The following TYK2 variants were observed in gnomAD, a reference collection of about 807,000 sequenced individuals.
The protein encoded by TYK2 is tyrosine kinase 2.
In TYK2, 65 loss-of-function variants were observed where a neutral mutation model predicts 130.9. That is an observed-to-expected ratio of 0.50 (90% CI 0.41 to 0.61). The LOEUF (loss-of-function observed/expected upper bound fraction) is 0.61. TYK2 is among the 20% of genes least tolerant of loss of function. The pLI is 0.00. For missense variants in TYK2, 1,378 were observed against 1,610.7 expected (o/e 0.86, Z 2.47); for synonymous variants, 647 against 658.9 (o/e 0.98, Z 0.28).
At chr19:10,377,400 G>GTGGATGGATGGA (rs766675211) in intron 3 of TYK2, among the ~76,000 whole-genome samples, 44 of 105,430 alleles carry the variant, frequency 4.2e-4, no homozygotes, top group African/African-American at 1.3e-3. Flanking sequence ...GGGTGGGTGG[G>GTGGATGGATGGA]TGGATGGATG....
chr19:10,363,432 G>C (rs556681460), intron 9 of TYK2, among the ~76,000 whole-genome samples: 1 of 151,554 alleles, frequency 6.6e-6, no homozygotes, highest in Non-Finnish European at 1.5e-5. Flanking sequence ...CTCCCACCTC[G>C]GCCTCCTAAA....
At chr19:10,363,953 G>A (rs1393219836) in intron 9 of TYK2, among the ~76,000 whole-genome samples, 3 of 152,180 alleles carry the variant, frequency 2.0e-5, no homozygotes, top group Non-Finnish European at 4.4e-5. Context: ...CAAAGAGACA[G>A]TCACAAATCA....
Position 10,357,793 on chromosome 19 carries a change from C to T in TYK2, c.2437G>A (p.Ala813Thr), listed in dbSNP as rs752386163. 1.9e-6 allele frequency: 3 copies of T among 1,612,894 alleles called. No homozygotes were observed. In the South Asian group the frequency reaches 3.3e-5, roughly 18 times the overall value. Residue 813 changes from alanine (A) to threonine (T), a missense_variant, in exon 17 of 25, where the codon GCC becomes ACC. Ala to Thr is a moderately conservative substitution (Grantham distance 58). Transcript: ENST00000525621. ...GAGGGACTGCGGCTCTGCAGAGGGG[C>T]CTCTCCGTCAAAGCAGATCTCCAGG... is the stretch of plus-strand genomic sequence containing the variant. ...TLLEICFDGE[A>T]PLQSRSPSEK...
rs540057091 is a variant in TYK2 at position 10,368,481 on chromosome 19, C to T, written c.194-63G>A. 116 of 1,610,826 alleles carry T rather than the reference C, an allele frequency of 7.2e-5. No homozygotes were observed. The East Asian group carries it at 1.9e-3, about 27-fold the overall frequency. On this transcript the variant is annotated intron_variant, in intron 3 of 24. Coordinates refer to ENST00000525621, the MANE Select transcript of TYK2 (RefSeq NM_003331.5). The stretch of plus-strand genomic sequence containing the variant: ...TTTGCTACCGTCAGCCCCAAAGACC[C>T]CCCAGACCCAATGTCTGCCTTCACA...
intron 3 of TYK2, among the ~76,000 whole-genome samples, chr19:10,374,986 C>A (rs942172569): frequency 5.3e-5 from 8 of 151,890 alleles, no homozygotes; most frequent in African/African-American, 1.7e-4. Context: ...GAGTTTGAGA[C>A]CAGCATGAGG....
chr19:10,354,006 C>T, intron 20 of TYK2, 36 bp downstream of exon 20: 1 of 1,608,482 alleles, frequency 6.2e-7, no homozygotes, highest in Non-Finnish European at 8.5e-7. Context: ...TAACCACGCC[C>T]CCTCAAGTCT....
Position 10,353,850 on chromosome 19 carries a change from C to T in TYK2, c.2908+192G>A, listed in dbSNP as rs1425486212. 14 of 726,674 alleles carry T rather than the reference C, an allele frequency of 1.9e-5. No individual in the cohort carries two copies. Among genetic ancestry groups the T allele is most frequent in the East Asian group, 1.3e-4 (5 of 37,076 alleles). The allele number at this position is 726,674 out of a possible 1,614,324, so 45.0% of individuals were successfully genotyped here. ...GCTGGTGGCTCCCGTCCATCCTGGC[C>T]CCAGCAGGTAGCACCCCCCAGATGG... On this transcript the variant is annotated intron_variant, in intron 20 of 24. Transcript: ENST00000525621. This position sits in a 1 kb window ranked among gnomAD's most constrained non-coding sequence, Gnocchi z 6.9.
At chr19:10,362,893 A>AT (rs2041480654) in intron 9 of TYK2, among the ~76,000 whole-genome samples, 1 of 151,938 alleles carries the variant, frequency 6.6e-6, no homozygotes, top group Non-Finnish European at 1.5e-5. Flanking sequence ...TTTTAGACGG[A>AT]TTTTCCCTCG....
chr19:10,352,134 A>C (rs528053637), intron 23 of TYK2, among the ~76,000 whole-genome samples: 5 of 148,264 alleles, frequency 3.4e-5, no homozygotes, highest in African/African-American at 1.3e-4. Flanking sequence ...TGCAGTCGGG[A>C]GATCTCGGCT....
At chr19:10,359,508 T>C (rs1187935637) in intron 14 of TYK2, among the ~76,000 whole-genome samples, 1 of 152,120 alleles carries the variant, frequency 6.6e-6, no homozygotes, top group Admixed American at 6.5e-5. Context: ...GATGAGGGCA[T>C]TGGGGTCCAA....
Position 10,350,628 on chromosome 19 carries a change from T to C in TYK2, c.*206A>G, listed in dbSNP as rs1014227382. The C allele has an allele frequency of 1.3e-5, 8 of 602,138 alleles. No individual in the cohort carries two copies. The highest frequency in any genetic ancestry group is 2.3e-5 in the Non-Finnish European group (8 of 345,526). The allele number at this position is 602,138 out of a possible 1,614,324, so 37.3% of individuals were successfully genotyped here. On this transcript the variant is annotated 3_prime_UTR_variant, in exon 25 of 25. Coordinates refer to ENST00000525621, the MANE Select transcript of TYK2 (RefSeq NM_003331.5). ...AGGGCTGGATTAGTGCCCCTACAAA[T>C]GTTGGGTCCCTCAAGATCATGGTTA...
chr19:10,354,008 C>T (rs780453220), intron 20 of TYK2, 34 bp downstream of exon 20: 6 of 1,609,790 alleles, frequency 3.7e-6, no homozygotes, highest in Admixed American at 1.7e-5. Context: ...ACCACGCCCC[C>T]TCAAGTCTCT....
At chr19:10,368,727 G>C in intron 3 of TYK2, 1 of 391,498 alleles carries the variant, frequency 2.6e-6, no homozygotes, top group South Asian at 2.2e-5. Flanking sequence ...TTCACCACCC[G>C]AGGTATGATG....
intron 15 of TYK2, 72 bp from the exon 16 acceptor site, chr19:10,358,210 T>A: frequency 6.8e-7 from 1 of 1,473,962 alleles, no homozygotes; most frequent in South Asian, 1.2e-5. Flanking sequence ...CTGGTCCCCA[T>A]AGGGACAGCC....
In TYK2 at chr19:10,361,990, T is replaced by C. The variant is rs371923855; in HGVS notation, c.1774-35A>G. The C allele has an allele frequency of 1.9e-6, 3 of 1,613,556 alleles. No individual in the cohort carries two copies. The African/African-American group carries it at 4.0e-5, about 22-fold the overall frequency. ...CATGTGGCACAGAATACCGCCATGG[T>C]GAAAGTTAGCAGCTGATCTCCCAGG... On this transcript the variant is annotated intron_variant, in intron 12 of 24. Transcript: ENST00000525621. This position sits in a 1 kb window ranked among gnomAD's most constrained non-coding sequence, Gnocchi z 4.0.
chr19:10,358,175 A>G, intron 15 of TYK2, 37 bp from the exon 16 acceptor site: 1 of 1,578,642 alleles, frequency 6.3e-7, no homozygotes, highest in Non-Finnish European at 8.6e-7. Flanking sequence ...GCCACTCAGG[A>G]GAGGCACAGA....
rs1378527771 is a variant in TYK2 at position 10,368,528 on chromosome 19, C to A, written c.194-110G>T. On this transcript the variant is annotated intron_variant, in intron 3 of 24. Transcript: ENST00000525621. ...CACACTCCCTCTGAGGCCCCCTCCC[C>A]CACCTGCAGCTTCAGTCTCACGTTG... 15 of 1,516,386 alleles carry A rather than the reference C, an allele frequency of 9.9e-6. No homozygotes were observed. The Admixed American group carries it at 1.1e-4, about 11-fold the overall frequency. The allele number at this position is 1,516,386 out of a possible 1,614,324, so 93.9% of individuals were successfully genotyped here. A position where few individuals can be genotyped will look rare whatever the true frequency, so the allele number is the denominator to read the frequency against.
chr19:10,351,440 T>C (rs1422819773), intron 23 of TYK2: 1 of 386,596 alleles, frequency 2.6e-6, no homozygotes, highest in East Asian at 6.0e-5. Context: ...TGAGCCGAGA[T>C]TGTGCCATTG....
rs543179911 is a variant in TYK2, at chr19:10,353,920, G to A, written c.2908+122C>T. 6 of 1,091,038 alleles carry A rather than the reference G, an allele frequency of 5.5e-6. No individual in the cohort carries two copies. The highest frequency in any genetic ancestry group is 5.3e-5 in the South Asian group (4 of 75,614). The allele number at this position is 1,091,038 out of a possible 1,614,324, so 67.6% of individuals were successfully genotyped here. On this transcript the variant is annotated intron_variant, in intron 20 of 24. Coordinates refer to ENST00000525621, the MANE Select transcript of TYK2 (RefSeq NM_003331.5). This position sits in a 1 kb window ranked among gnomAD's most constrained non-coding sequence, Gnocchi z 6.9. Reference sequence around the variant, plus strand: ...CGCTCACCCAGATGCCAAGAACCGCGTACTGCAGCCTGGGGTTGAGAGTCT... The same window carrying A: ...CGCTCACCCAGATGCCAAGAACCGCATACTGCAGCCTGGGGTTGAGAGTCT...
Sources: allele counts gnomAD v4.1 joint callset (sites outside exome capture counted in the v4.1 genomes callset), GRCh38; gene constraint gnomAD v4.1.1; non-coding constraint Gnocchi (gnomAD v3.1); transcripts MANE v1.5; gene names NCBI Gene and HGNC (gene_info 2026-07-23, HGNC 2026-07-21).